The following SLC37A2 variants were observed in gnomAD, a reference collection of about 807,000 sequenced individuals.
SLC37A2 encodes the protein glucose-6-phosphate exchanger SLC37A2.
A neutral mutation model predicts 70.7 loss-of-function variants in SLC37A2; 59 were observed. The observed-to-expected ratio is 0.83, with a 90% confidence interval of 0.68 to 1.04. The LOEUF (loss-of-function observed/expected upper bound fraction) is 1.04. Among genes scored for constraint, SLC37A2 ranks in the 50% least tolerant of loss-of-function variants. The probability of loss-of-function intolerance (pLI) is 0.00; values close to 1 mark genes in which losing one functional copy is unlikely to be tolerated. For synonymous variants in SLC37A2, 257 were observed against 262.1 expected (o/e 0.98, Z 0.19); for missense variants, 580 against 658.1 (o/e 0.88, Z 1.30).
intron 1 of SLC37A2, among the ~76,000 whole-genome samples, chr11:125,069,873 G>A (rs1029295184): frequency 6.6e-6 from 1 of 152,260 alleles, no homozygotes; most frequent in Non-Finnish European, 1.5e-5. Context: ...GACAATGAAT[G>A]GCTTGTCCAT....
At chr11:125,076,198 C>T (rs1239857162) in intron 1 of SLC37A2, among the ~76,000 whole-genome samples, 2 of 152,114 alleles carry the variant, frequency 1.3e-5, no homozygotes, top group African/African-American at 4.8e-5. Flanking sequence ...CGGACTGGGA[C>T]TAAGAAGAGG....
At position 125,079,692 on chromosome 11, in the gene SLC37A2, T is replaced by C; in HGVS notation, c.459T>C (p.Asn153=). The change falls in exon 6 of 18, where the codon AAT becomes AAC. Residue 153 remains asparagine, a synonymous_variant. Coordinates refer to ENST00000403796, the MANE Select transcript of SLC37A2 (RefSeq NM_001145290.2). Reference sequence around the variant, plus strand: ...CTTCTCTCTCCCTGCAGGTCTGTAATGGACTCGTCCAGACCACAGGCTGGC... The same window carrying C: ...CTTCTCTCTCCCTGCAGGTCTGTAACGGACTCGTCCAGACCACAGGCTGGC... The part of the protein sequence containing the change: ...LWYFVVIQVC[N]GLVQTTGWPS... 5 of 1,603,356 alleles carry C rather than the reference T, an allele frequency of 3.1e-6. No individual in the cohort carries two copies. The highest frequency in any genetic ancestry group is 4.3e-6 in the Non-Finnish European group (5 of 1,174,606).
intron 1 of SLC37A2, among the ~76,000 whole-genome samples, chr11:125,073,414 C>T (rs957761279): frequency 2.6e-5 from 4 of 152,222 alleles, no homozygotes; most frequent in South Asian, 2.1e-4. Context: ...ATCCAGGGCC[C>T]GGAGCCTCCA....
In SLC37A2 at chr11:125,084,419, C is replaced by T. The variant is rs148662643; in HGVS notation, c.1125+100C>T. 3.6e-5 allele frequency: 43 copies of T among 1,193,322 alleles called. No homozygotes were observed. In the African/African-American group the frequency reaches 5.4e-4, roughly 15 times the overall value. The allele number at this position is 1,193,322 out of a possible 1,614,324, so 73.9% of individuals were successfully genotyped here. On this transcript the variant is annotated intron_variant, in intron 12 of 17. Transcript: ENST00000403796. ...GTCCACGCGTTACACACATTGATGT[C>T]GCTGTGTACGCGTGCACATGCATCA...
rs561670657 is a variant in SLC37A2, at chr11:125,089,391, G to A, written c.*1257G>A. Reference sequence around the variant, plus strand: ...CCTCCTCTGCCTGGGCTCCCACTTTGGCGGCACTTGAGGAGCCCTTCAGCC... The same window carrying A: ...CCTCCTCTGCCTGGGCTCCCACTTTAGCGGCACTTGAGGAGCCCTTCAGCC... On this transcript the variant is annotated 3_prime_UTR_variant, in exon 18 of 18. Coordinates refer to ENST00000403796, the MANE Select transcript of SLC37A2 (RefSeq NM_001145290.2). 6.4e-6 allele frequency: 1 copy of A among 155,174 alleles called. No individual in the cohort carries two copies. The highest frequency in any genetic ancestry group is 1.4e-5 in the Non-Finnish European group (1 of 70,260). 9.6% of individuals were successfully genotyped at this position (155,174 alleles called of 1,614,324 possible). A position where few individuals can be genotyped will look rare whatever the true frequency, so the allele number is the denominator to read the frequency against.
At chr11:125,082,129 G>C in intron 9 of SLC37A2, 115 bp from the exon 10 acceptor site, 1 of 1,102,464 alleles carries the variant, frequency 9.1e-7, no homozygotes, top group South Asian at 1.3e-5. Flanking sequence ...GTTGGAGGCT[G>C]CCTTGTGTGG....
At chr11:125,070,788 G>A (rs1042422057) in intron 1 of SLC37A2, among the ~76,000 whole-genome samples, 7 of 152,266 alleles carry the variant, frequency 4.6e-5, no homozygotes, top group African/African-American at 1.7e-4. Flanking sequence ...CCCACCCCTC[G>A]TGACAGCAGC....
chr11:125,084,706 G>A, intron 12 of SLC37A2, 119 bp from the exon 13 acceptor site: 2 of 1,068,696 alleles, frequency 1.9e-6, no homozygotes, highest in Non-Finnish European at 2.8e-6. Context: ...CATAGGCAGG[G>A]GAAAAGGAAT....
Position 125,088,286 on chromosome 11 carries a change from G to T in SLC37A2, c.*152G>T, listed in dbSNP as rs1437430367. 3.7e-6 allele frequency: 3 copies of T among 803,898 alleles called. No individual in the cohort carries two copies. In the African/African-American group the frequency reaches 5.2e-5, roughly 14 times the overall value. The allele number at this position is 803,898 out of a possible 1,614,324, so 49.8% of individuals were successfully genotyped here. A position where few individuals can be genotyped will look rare whatever the true frequency, so the allele number is the denominator to read the frequency against. ...AGCCCAGACCCCAGGGCTGCCTAAG[G>T]ACACAGAGATTCTCCATGGGAAGGG... On this transcript the variant is annotated 3_prime_UTR_variant, in exon 18 of 18. Coordinates refer to ENST00000403796, the MANE Select transcript of SLC37A2 (RefSeq NM_001145290.2).
chr11:125,081,644 C>T (rs116267462), intron 8 of SLC37A2, 110 bp from the exon 9 acceptor site: 77,432 of 1,441,402 alleles, frequency 0.054, 2,374 homozygotes, highest in South Asian at 0.097. Context: ...CCGAGACGAA[C>T]GTGTGCCTCC....
rs1949274076 is a variant in SLC37A2, at chr11:125,090,424, A to T, written c.*2290A>T. 1 of 152,360 alleles carries T rather than the reference A, an allele frequency of 6.6e-6. No homozygotes were observed. The highest frequency in any genetic ancestry group is 2.4e-5 in the African/African-American group (1 of 41,460). 9.4% of individuals were successfully genotyped at this position (152,360 alleles called of 1,614,324 possible). ...GGGTGGGGCCAGATAAGAGAATAAA[A>T]GCAGGCTGCCCGAGCCAGCATTGGC... is the stretch of plus-strand genomic sequence containing the variant. On this transcript the variant is annotated 3_prime_UTR_variant, in exon 18 of 18. Coordinates refer to ENST00000403796, the MANE Select transcript of SLC37A2 (RefSeq NM_001145290.2).
intron 1 of SLC37A2, among the ~76,000 whole-genome samples, chr11:125,073,781 G>A (rs1949053523): frequency 6.6e-6 from 1 of 152,188 alleles, no homozygotes; most frequent in South Asian, 2.1e-4. Flanking sequence ...GTCCCTGGGA[G>A]TGGCTGGCAG....
chr11:125,076,906 T>C, intron 2 of SLC37A2, 68 bp downstream of exon 2: 2 of 1,506,774 alleles, frequency 1.3e-6, no homozygotes, highest in South Asian at 1.1e-5. Context: ...CCCCTTCCCA[T>C]GGCCACCGAG....
In SLC37A2 at chr11:125,084,323, C is replaced by T. The variant is rs1005051641; in HGVS notation, c.1125+4C>T. ...GCTCATCTTGGCTGCCCCCATGGTG[C>T]GTATAACCCCGAGGGTGAAGTGCGA... On this transcript the variant is annotated splice_donor_region_variant and intron_variant, in intron 12 of 17. Transcript: ENST00000403796. 17 of 1,613,980 alleles carry T rather than the reference C, an allele frequency of 1.1e-5. No homozygotes were observed. Among genetic ancestry groups the T allele is most frequent in the African/African-American group, 2.7e-5 (2 of 74,938 alleles).
At chr11:125,068,416 A>G (rs530460204) in intron 1 of SLC37A2, among the ~76,000 whole-genome samples, 3 of 152,280 alleles carry the variant, frequency 2.0e-5, no homozygotes, top group South Asian at 2.1e-4. Context: ...CTGTAAGTAC[A>G]TTATTATGCT....
intron 12 of SLC37A2, 149 bp from the exon 13 acceptor site, chr11:125,084,676 T>A: frequency 1.2e-6 from 1 of 820,630 alleles, no homozygotes; most frequent in South Asian, 1.6e-5. Context: ...CCTGGGACAT[T>A]TAAAGACCAG....
rs1189781765 is a variant in SLC37A2 at position 125,085,583 on chromosome 11, C to T, written c.1334C>T (p.Ala445Val). Reference sequence around the variant, plus strand: ...GAGGCTGTGCTCCATTCAGGTGCGGCTCTGGGGCCTCTGCTGGCTGGGCTC... The same window carrying T: ...GAGGCTGTGCTCCATTCAGGTGCGGTTCTGGGGCCTCTGCTGGCTGGGCTC... ...IIDGTGSIGAALGPLLAGLIS... is the reference protein window; with the variant it reads ...IIDGTGSIGAVLGPLLAGLIS... Residue 445 changes from alanine to valine, a missense_variant, in exon 16 of 18, where the codon GCT (alanine) becomes GTT (valine). Coordinates refer to ENST00000403796, the MANE Select transcript of SLC37A2 (RefSeq NM_001145290.2). 2 of 1,613,888 alleles carry T rather than the reference C, an allele frequency of 1.2e-6. No individual in the cohort carries two copies. Among genetic ancestry groups the T allele is most frequent in the Admixed American group, 3.3e-5 (2 of 60,026 alleles).
intron 17 of SLC37A2, chr11:125,087,857 C>G: frequency 2.8e-6 from 1 of 363,212 alleles, no homozygotes; most frequent in Non-Finnish European, 5.1e-6. Context: ...GTCTTGAACT[C>G]CCAACCTCAG....
chr11:125,086,179 C>G, intron 17 of SLC37A2, 161 bp downstream of exon 17: 1 of 1,606,468 alleles, frequency 6.2e-7, no homozygotes, highest in Non-Finnish European at 8.5e-7. Context: ...AACCTGTCCT[C>G]TGTTGTCCCC....
Sources: gnomAD v4.1 joint callset for allele counts (sites outside exome capture counted in the v4.1 genomes callset) on GRCh38, gnomAD v4.1.1 for gene constraint, MANE v1.5 for transcripts, NCBI Gene and HGNC (gene_info 2026-07-23, HGNC 2026-07-21) for gene names.